The following EDARADD variants were observed in gnomAD, a reference collection of about 807,000 sequenced individuals.
EDARADD encodes the protein ectodysplasin-A receptor-associated adapter protein.
In EDARADD, 20 loss-of-function variants were observed where a neutral mutation model predicts 25.6. That is an observed-to-expected ratio of 0.78 (90% CI 0.55 to 1.14). The LOEUF (loss-of-function observed/expected upper bound fraction) is 1.14, where lower values mean the gene tolerates loss of function less well. Ranked by LOEUF, EDARADD falls within the 50% of genes most tolerant of loss-of-function variation. The probability of loss-of-function intolerance (pLI) is 0.00; values close to 1 mark genes in which losing one functional copy is unlikely to be tolerated. For synonymous variants in EDARADD, 86 were observed against 94.4 expected (o/e 0.91, Z 0.52); for missense variants, 225 against 270.1 (o/e 0.83, Z 1.17).
chr1:236,441,093 A>T (rs1008518009), intron 4 of EDARADD, among the ~76,000 whole-genome samples: 7 of 151,956 alleles, frequency 4.6e-5, no homozygotes, highest in African/African-American at 1.7e-4. Flanking sequence ...TTTGAAGGAA[A>T]TTAAAAGGGC....
At chr1:236,479,500 A>C (rs944109359) in intron 5 of EDARADD, among the ~76,000 whole-genome samples, 1 of 144,856 alleles carries the variant, frequency 6.9e-6, no homozygotes, top group Non-Finnish European at 1.6e-5. Context: ...GTCTCAAAAA[A>C]AAAGAAAAAA....
intron 2 of EDARADD, among the ~76,000 whole-genome samples, chr1:236,410,387 G>A (rs57649359): frequency 0.013 from 1,993 of 152,212 alleles, 43 homozygotes; most frequent in African/African-American, 0.043. Context: ...TGGGATGATG[G>A]CTTCCAGCTG....
upstream of EDARADD, chr1:236,394,239 C>G (rs1425487070): frequency 3.5e-6 from 2 of 574,542 alleles, no homozygotes; most frequent in African/African-American, 1.9e-5. Context: ...CAAATTGATT[C>G]TAAGATAAAA....
chr1:236,366,630 T>C (rs1400187562), intron 3 of EDARADD, among the ~76,000 whole-genome samples: 2 of 152,186 alleles, frequency 1.3e-5, no homozygotes, highest in Non-Finnish European at 2.9e-5. Context: ...CTCTTAGCTC[T>C]ATTTCTTCAA....
chr1:236,367,486 C>T (rs1667125727), intron 3 of EDARADD, among the ~76,000 whole-genome samples: 1 of 152,152 alleles, frequency 6.6e-6, no homozygotes, highest in Admixed American at 6.6e-5. Flanking sequence ...ACCTCAGCCT[C>T]CCAAAGTGCT....
At chr1:236,378,624 C>G (rs1038690554) in intron 3 of EDARADD, among the ~76,000 whole-genome samples, 1 of 152,116 alleles carries the variant, frequency 6.6e-6, no homozygotes, top group African/African-American at 2.4e-5. Context: ...CTTCCAAGCT[C>G]CCTGCGTGCT....
chr1:236,363,955 C>T (rs1201748483), intron 3 of EDARADD, among the ~76,000 whole-genome samples: 3 of 151,914 alleles, frequency 2.0e-5, no homozygotes, highest in Admixed American at 2.0e-4. Context: ...CACTTGAGGT[C>T]AGGAGTTCGA....
intron 3 of EDARADD, among the ~76,000 whole-genome samples, chr1:236,376,998 G>T (rs1667232027): frequency 6.6e-6 from 1 of 151,540 alleles, no homozygotes; most frequent in African/African-American, 2.4e-5. Context: ...TTCTGTTACA[G>T]TATTTTTATC....
At chr1:236,458,180 A>T (rs1171588874) in intron 4 of EDARADD, among the ~76,000 whole-genome samples, 1 of 152,216 alleles carries the variant, frequency 6.6e-6, no homozygotes, top group Non-Finnish European at 1.5e-5. Context: ...CACTTTAAGG[A>T]CTTGATCCTA....
rs527912315 is a variant in EDARADD at position 236,415,115 on chromosome 1, T to C, written c.160+816T>C. 1.6e-4 allele frequency among the ~76,000 whole-genome samples: 25 copies of C among 152,246 alleles called. No homozygotes were observed. The South Asian group carries it at 5.0e-3, about 30-fold the overall frequency. ...CTTTCCACCAGCACGGATAGCACAA[T>C]TTTAGAGATGATTGTGATTGTGGCA... On this transcript the variant is annotated intron_variant, in intron 3 of 5. Coordinates refer to ENST00000334232, the MANE Select transcript of EDARADD (RefSeq NM_145861.4).
intron 4 of EDARADD, among the ~76,000 whole-genome samples, chr1:236,466,862 T>A (rs913300173): frequency 7.2e-5 from 11 of 151,970 alleles, no homozygotes; most frequent in South Asian, 4.2e-4. Flanking sequence ...AGGTCAGGAG[T>A]TCGAGACCAT....
At chr1:236,463,289 C>T (rs754162287) in intron 4 of EDARADD, among the ~76,000 whole-genome samples, 1 of 152,156 alleles carries the variant, frequency 6.6e-6, no homozygotes, top group Non-Finnish European at 1.5e-5. Flanking sequence ...TGGTAAAATA[C>T]ACATAACATA....
intron 4 of EDARADD, among the ~76,000 whole-genome samples, chr1:236,453,601 G>C (rs1399826142): frequency 6.6e-6 from 1 of 152,078 alleles, no homozygotes; most frequent in Non-Finnish European, 1.5e-5. Context: ...TGTTTTTACT[G>C]TGCCTCTTCT....
chr1:236,467,610 C>A (rs542524458), intron 4 of EDARADD, among the ~76,000 whole-genome samples: 3 of 151,798 alleles, frequency 2.0e-5, no homozygotes, highest in African/African-American at 7.3e-5. Context: ...AGCTGCTTTG[C>A]GATATATACT....
chr1:236,464,180 C>T (rs1006431727), intron 4 of EDARADD, among the ~76,000 whole-genome samples: 7 of 152,110 alleles, frequency 4.6e-5, no homozygotes, highest in Non-Finnish European at 8.8e-5. Flanking sequence ...CTTTCAAAAT[C>T]GCTGCTCGTC....
intron 4 of EDARADD, among the ~76,000 whole-genome samples, chr1:236,442,909 A>G (rs920731048): frequency 6.6e-6 from 1 of 152,186 alleles, no homozygotes; most frequent in African/African-American, 2.4e-5. Flanking sequence ...TTTAATCCCC[A>G]AGGTAGTAGT....
At chr1:236,359,856 C>T (rs601693) in intron 3 of EDARADD, among the ~76,000 whole-genome samples, 52,867 of 151,988 alleles carry the variant, frequency 0.35, 9,497 homozygotes, top group African/African-American at 0.44. Context: ...GGTGGGGACA[C>T]AGCCAAACCA....
intron 1 of EDARADD, among the ~76,000 whole-genome samples, chr1:236,399,139 G>T (rs4659669): frequency 0.065 from 9,825 of 152,226 alleles, 452 homozygotes; most frequent in Admixed American, 0.15. Context: ...TATAACAAAA[G>T]TATGTATATG....
intron 3 of EDARADD, among the ~76,000 whole-genome samples, chr1:236,385,408 CAAAAAAAAAA>C (rs1164948283): frequency 2.8e-5 from 1 of 35,368 alleles, no homozygotes; most frequent in Admixed American, 3.8e-4. Flanking sequence ...GACTCCATCT[CAAAAAAAAAA>C]AAAAAAAAAA....
Sources: allele counts gnomAD v4.1 joint callset (sites outside exome capture counted in the v4.1 genomes callset), GRCh38; gene constraint gnomAD v4.1.1; transcripts MANE v1.5; gene names NCBI Gene and HGNC (gene_info 2026-07-23, HGNC 2026-07-21).